Variants in UBE3C observed in about 807,000 individuals in gnomAD.
UBE3C encodes the protein ubiquitin-protein ligase E3C.
In UBE3C, 42 loss-of-function variants were observed where a neutral mutation model predicts 129.4. The observed-to-expected ratio is 0.32, with a 90% CI of 0.25 to 0.42. The LOEUF is 0.42. UBE3C is among the 10% of genes least tolerant of loss of function. UBE3C has a pLI of 1.00. For synonymous variants in UBE3C, 510 were observed against 492.4 expected (o/e 1.04, Z -0.47); for missense variants, 1,049 against 1,319.1 (o/e 0.80, Z 3.17).
At chr7:157,208,060 T>A (rs77621382) in intron 13 of UBE3C, 125 bp downstream of exon 13, 2 of 194,752 alleles carry the variant, frequency 1.0e-5, no homozygotes, top group East Asian at 1.2e-4. Context: ...CAAGACTTTT[T>A]TTTTTTTTTT....
chr7:157,210,499 A>G (rs1809561150), intron 13 of UBE3C, among the ~76,000 whole-genome samples: 2 of 152,190 alleles, frequency 1.3e-5, no homozygotes, highest in Admixed American at 1.3e-4. Flanking sequence ...GCAGTATTCT[A>G]AGAGTTTTGC....
intron 13 of UBE3C, among the ~76,000 whole-genome samples, chr7:157,209,720 G>C (rs1365546363): frequency 6.6e-6 from 1 of 152,160 alleles, no homozygotes; most frequent in Non-Finnish European, 1.5e-5. Context: ...TCCATGACAG[G>C]CTTATCTTTA....
At chr7:157,161,796 G>A (rs927198664) in intron 1 of UBE3C, among the ~76,000 whole-genome samples, 1 of 152,096 alleles carries the variant, frequency 6.6e-6, no homozygotes, top group Non-Finnish European at 1.5e-5. Context: ...TCTAGGCCAA[G>A]CATGGTGTCT....
intron 14 of UBE3C, among the ~76,000 whole-genome samples, chr7:157,219,583 A>C (rs760755389): frequency 2.0e-5 from 3 of 152,204 alleles, no homozygotes; most frequent in Non-Finnish European, 4.4e-5. Context: ...GGGAAATTTT[A>C]CAGGATGAAA....
At chr7:157,186,685 C>G in intron 9 of UBE3C, 149 bp from the exon 10 acceptor site, 2 of 849,372 alleles carry the variant, frequency 2.4e-6, no homozygotes, top group Non-Finnish European at 3.5e-6. Flanking sequence ...TAGAGGATTT[C>G]ACACTAAGTG....
In UBE3C at chr7:157,248,486, A is replaced by G; in HGVS notation, c.2600A>G (p.Tyr867Cys). The change falls in exon 19 of 23, where the codon TAT becomes TGT. Residue 867 changes from tyrosine to cysteine, a missense_variant. Around this residue, in one of 4 missense-constraint regions of UBE3C, gnomAD observed 243 missense variants for 368.7 expected, o/e 0.66. Transcript: ENST00000348165. ...CTCGCCTCCCTAGACCCTGAGGTGT[A>G]TAAGAATTTGCTCTTTCTGAAGAGC... is the stretch of plus-strand genomic sequence containing the variant. ...HHLASLDPEVYKNLLFLKSYE... is the reference protein window; with the variant it reads ...HHLASLDPEVCKNLLFLKSYE... 1 of 1,613,564 alleles carries G rather than the reference A, an allele frequency of 6.2e-7. No homozygotes were observed.
At chr7:157,192,880 AGGG>A in intron 10 of UBE3C, 2 of 867,150 alleles carry the variant, frequency 2.3e-6, no homozygotes, top group Non-Finnish European at 3.8e-6. Context: ...AAAAAAAAGA[AGGG>A]ATTATCAAAG....
Position 157,258,031 on chromosome 7 carries a change from G to T in UBE3C, c.3081+987G>T, listed in dbSNP as rs548908256. Among the ~76,000 whole-genome samples, 7 of 147,982 alleles carry T rather than the reference G, an allele frequency of 4.7e-5. No homozygotes were observed. In the South Asian group the frequency reaches 1.5e-3, roughly 32 times the overall value. On this transcript the variant is annotated intron_variant, in intron 22 of 22. Coordinates refer to ENST00000348165, the MANE Select transcript of UBE3C (RefSeq NM_014671.3). Reference sequence around the variant, plus strand: ...GGTGTGATCACGGCTCACTGCAGCCGCAGCCACCCAGGCTGAAGCAATCTG... The same window carrying T: ...GGTGTGATCACGGCTCACTGCAGCCTCAGCCACCCAGGCTGAAGCAATCTG...
intron 19 of UBE3C, among the ~76,000 whole-genome samples, chr7:157,250,683 A>G (rs1019237866): frequency 6.6e-6 from 1 of 152,126 alleles, no homozygotes; most frequent in Non-Finnish European, 1.5e-5. Context: ...ATATTTTTCC[A>G]TACCATAGAG....
At chr7:157,171,072 C>CA (rs555726353) in intron 4 of UBE3C, among the ~76,000 whole-genome samples, 47 of 152,010 alleles carry the variant, frequency 3.1e-4, no homozygotes, top group African/African-American at 1.0e-3. Context: ...CCTGGCCTCT[C>CA]AAAGTGCTGG....
At chr7:157,182,001 A>G in intron 7 of UBE3C, 107 bp from the exon 8 acceptor site, 7 of 1,183,116 alleles carry the variant, frequency 5.9e-6, no homozygotes, top group Non-Finnish European at 7.0e-6. Context: ...CTAATTTAGA[A>G]GAGTAGATTA....
intron 18 of UBE3C, among the ~76,000 whole-genome samples, chr7:157,238,894 TAAAG>T (rs1308721253): frequency 3.9e-5 from 6 of 152,248 alleles, no homozygotes; most frequent in African/African-American, 1.4e-4. Flanking sequence ...AGGTGCCAAA[TAAAG>T]ACAGTGTTTG....
chr7:157,176,627 T>C (rs1044785175), intron 5 of UBE3C, among the ~76,000 whole-genome samples: 2 of 152,258 alleles, frequency 1.3e-5, no homozygotes, highest in African/African-American at 4.8e-5. Context: ...CTTTCCTCTT[T>C]AATCTCAGTA....
intron 13 of UBE3C, among the ~76,000 whole-genome samples, chr7:157,209,713 A>G (rs10488093): frequency 0.061 from 9,241 of 152,320 alleles, 301 homozygotes; most frequent in South Asian, 0.086. Context: ...CATAATTTCC[A>G]TGACAGGCTT....
At chr7:157,266,171 G>T (rs1019961488) in intron 22 of UBE3C, among the ~76,000 whole-genome samples, 1 of 152,026 alleles carries the variant, frequency 6.6e-6, no homozygotes, top group Non-Finnish European at 1.5e-5. Context: ...AAAATTAGCC[G>T]GGCGTGGTGG....
rs896340806 is a variant in UBE3C, at chr7:157,267,997, T to A, written c.*242T>A. 2 of 361,222 alleles carry A rather than the reference T, an allele frequency of 5.5e-6. No homozygotes were observed. Among genetic ancestry groups the A allele is most frequent in the Non-Finnish European group, 9.9e-6 (2 of 202,594 alleles). The allele number at this position is 361,222 out of a possible 1,614,324, so 22.4% of individuals were successfully genotyped here. A position where few individuals can be genotyped will look rare whatever the true frequency, so the allele number is the denominator to read the frequency against. On this transcript the variant is annotated 3_prime_UTR_variant, in exon 23 of 23. Transcript: ENST00000348165. ...ACACGTTATGTGCCATGTGGCTACT[T>A]TAGTAATATTGCCAAGAAGAGCACA...
intron 2 of UBE3C, among the ~76,000 whole-genome samples, chr7:157,168,294 T>C (rs559707761): frequency 3.0e-4 from 43 of 142,440 alleles, no homozygotes; most frequent in African/African-American, 1.1e-3. Context: ...GAGCTTGCAG[T>C]GAGCTGAGAT....
At chr7:157,178,312 A>G (rs1808578408) in intron 5 of UBE3C, among the ~76,000 whole-genome samples, 1 of 152,190 alleles carries the variant, frequency 6.6e-6, no homozygotes, top group African/African-American at 2.4e-5. Flanking sequence ...CTTTAAGGAG[A>G]TGAGATGCAC....
In UBE3C at chr7:157,186,968, C is replaced by T. The variant is rs58522767; in HGVS notation, c.1278C>T (p.Ala426=). 0.018 allele frequency: 29,569 copies of T among 1,612,766 alleles called. 1,511 individuals are homozygous for T. Among genetic ancestry groups the T allele is most frequent in the African/African-American group, 0.17 (12,640 of 74,928 alleles). ...SASEEVFTTM[A]SVCHTLMVQH... ...GCGAGGAGGTCTTCACCACCATGGC[C>T]TCCGTCTGCCACACGCTGATGGTGC... The change falls in exon 10 of 23, where the codon GCC becomes GCT. Residue 426 remains alanine, a synonymous_variant. Coordinates refer to ENST00000348165, the MANE Select transcript of UBE3C (RefSeq NM_014671.3).
Sources: gnomAD v4.1 joint callset for allele counts (sites outside exome capture counted in the v4.1 genomes callset) on GRCh38, gnomAD v4.1.1 for gene constraint, gnomAD v4.1.1 regional missense constraint, MANE v1.5 for transcripts, NCBI Gene and HGNC (gene_info 2026-07-23, HGNC 2026-07-21) for gene names.